Variants in PPP2R2B observed in about 807,000 individuals in gnomAD.
PPP2R2B encodes the protein serine/threonine-protein phosphatase 2A 55 kDa regulatory subunit B beta isoform.
A neutral mutation model predicts 46.0 loss-of-function variants in PPP2R2B; 5 were observed. That is an observed-to-expected ratio of 0.11 (90% CI 0.06 to 0.23). PPP2R2B has a LOEUF of 0.23. Among genes scored for constraint, PPP2R2B ranks in the 10% least tolerant of loss-of-function variants. The pLI is 1.00. For synonymous variants in PPP2R2B, 215 were observed against 206.7 expected, an observed-to-expected ratio of 1.04 and a Z score of -0.34; for missense variants, 367 against 575.0, an observed-to-expected ratio of 0.64 and a Z score of 3.70.
chr5:146,599,574 C>T (rs1771575655), intron 8 of PPP2R2B, among the ~76,000 whole-genome samples: 1 of 152,282 alleles, frequency 6.6e-6, no homozygotes, highest in Non-Finnish European at 1.5e-5. Context: ...ATCCTTCTGC[C>T]TTTGTGATTC....
At chr5:146,745,785 C>G (rs1055881572) in intron 2 of PPP2R2B, among the ~76,000 whole-genome samples, 2 of 152,066 alleles carry the variant, frequency 1.3e-5, no homozygotes, top group Admixed American at 1.3e-4. Flanking sequence ...TGGTGAAATC[C>G]CATTTCTACT....
At chr5:146,711,322 A>G (rs1780204471) in intron 2 of PPP2R2B, among the ~76,000 whole-genome samples, 1 of 152,176 alleles carries the variant, frequency 6.6e-6, no homozygotes, top group Non-Finnish European at 1.5e-5. Context: ...GCCAATACCA[A>G]AGTGGACCAA....
chr5:146,623,916 C>T (rs1330608754), intron 7 of PPP2R2B, among the ~76,000 whole-genome samples: 1 of 152,056 alleles, frequency 6.6e-6, no homozygotes, highest in Non-Finnish European at 1.5e-5. Flanking sequence ...ACTGAGCTGT[C>T]AAAATAGAAT....
chr5:147,063,981 G>A (rs767314683), intron 2 of PPP2R2B, among the ~76,000 whole-genome samples: 1 of 152,190 alleles, frequency 6.6e-6, no homozygotes, highest in Non-Finnish European at 1.5e-5. Flanking sequence ...TTAGGAGGTA[G>A]CAGAGGAGAA....
At chr5:146,656,171 AG>A (rs374476952) in intron 5 of PPP2R2B, among the ~76,000 whole-genome samples, 1 of 152,182 alleles carries the variant, frequency 6.6e-6, no homozygotes, top group South Asian at 2.1e-4. Context: ...GAGTTGGGTA[AG>A]GGGCTAGCAA....
chr5:146,600,498 C>T (rs368787138), intron 7 of PPP2R2B, 38 bp from the exon 8 acceptor site: 3 of 1,601,136 alleles, frequency 1.9e-6, no homozygotes, highest in Non-Finnish European at 2.6e-6. Flanking sequence ...ATTTAGCAAT[C>T]CTTATCAACT....
chr5:147,079,078 A>G (rs956454098), intron 2 of PPP2R2B, among the ~76,000 whole-genome samples: 9 of 152,020 alleles, frequency 5.9e-5, no homozygotes, highest in African/African-American at 2.2e-4. Context: ...CTTTTAGGTG[A>G]CATAAAATGG....
chr5:146,860,209 A>C (rs1428809194), intron 2 of PPP2R2B, among the ~76,000 whole-genome samples: 2 of 152,194 alleles, frequency 1.3e-5, no homozygotes, highest in Non-Finnish European at 2.9e-5. Flanking sequence ...GTAAAACAAA[A>C]GCCATCATGC....
chr5:146,699,660 G>GT (rs1779417647), intron 3 of PPP2R2B, among the ~76,000 whole-genome samples: 14 of 101,772 alleles, frequency 1.4e-4, no homozygotes, highest in South Asian at 3.9e-4. Flanking sequence ...GAACTTAATT[G>GT]GTTTTTTTTT....
intron 1 of PPP2R2B, among the ~76,000 whole-genome samples, chr5:146,903,332 AAC>A (rs1472304539): frequency 8.3e-6 from 1 of 119,830 alleles, no homozygotes; most frequent in Non-Finnish European, 1.6e-5. Context: ...TAGTTTAAGA[AAC>A]ACTGTTTTTT....
chr5:146,672,406 G>A (rs994455322), intron 5 of PPP2R2B, among the ~76,000 whole-genome samples: 3 of 152,060 alleles, frequency 2.0e-5, no homozygotes, highest in African/African-American at 7.2e-5. Flanking sequence ...ATTTGCTCAG[G>A]GAAGGGGCTC....
intron 2 of PPP2R2B, among the ~76,000 whole-genome samples, chr5:146,783,061 TA>T (rs1456008974): frequency 1.3e-5 from 2 of 152,176 alleles, no homozygotes; most frequent in Non-Finnish European, 2.9e-5. Context: ...GAAGAGTTTT[TA>T]AGAATATTGA....
chr5:147,003,963 G>A (rs1754310122), intron 1 of PPP2R2B, among the ~76,000 whole-genome samples: 1 of 152,112 alleles, frequency 6.6e-6, no homozygotes, highest in East Asian at 1.9e-4. Context: ...AGCTCCAAAA[G>A]TGAGCCCTGG....
chr5:146,685,297 T>A (rs1229561746), intron 5 of PPP2R2B, among the ~76,000 whole-genome samples: 2 of 152,228 alleles, frequency 1.3e-5, no homozygotes, highest in African/African-American at 4.8e-5. Flanking sequence ...AGCCAGTACT[T>A]ACCTTTCTGA....
At chr5:146,639,526 G>C (rs1775053939) in intron 6 of PPP2R2B, among the ~76,000 whole-genome samples, 1 of 152,154 alleles carries the variant, frequency 6.6e-6, no homozygotes, top group African/African-American at 2.4e-5. Context: ...TCCACCCAGA[G>C]CTTGGGGGAT....
chr5:146,648,541 C>T (rs547963087), intron 6 of PPP2R2B, among the ~76,000 whole-genome samples: 2 of 152,186 alleles, frequency 1.3e-5, no homozygotes, highest in East Asian at 1.9e-4. Context: ...TCAGAGTGTT[C>T]CACGTACTGG....
At chr5:146,977,970 G>A (rs545274687) in intron 1 of PPP2R2B, among the ~76,000 whole-genome samples, 169 of 152,244 alleles carry the variant, frequency 1.1e-3, no homozygotes, top group African/African-American at 3.9e-3. Flanking sequence ...TACAATGTTT[G>A]AACTAATTTA....
chr5:147,058,999 A>G (rs1039383264), upstream of PPP2R2B, among the ~76,000 whole-genome samples: 1 of 152,146 alleles, frequency 6.6e-6, no homozygotes, highest in African/African-American at 2.4e-5. Context: ...CTCTGGAGTA[A>G]GATGTTTAAT....
At chr5:146,994,792 A>G (rs527581792) in intron 1 of PPP2R2B, among the ~76,000 whole-genome samples, 1 of 152,328 alleles carries the variant, frequency 6.6e-6, no homozygotes, top group Middle Eastern at 3.4e-3. Context: ...TTAATGTATC[A>G]TATACTCAGC....
Sources: allele counts gnomAD v4.1 joint callset (sites outside exome capture counted in the v4.1 genomes callset), GRCh38; gene constraint gnomAD v4.1.1; transcripts MANE v1.5; gene names NCBI Gene and HGNC (gene_info 2026-07-23, HGNC 2026-07-21).